The following SLN variants were observed in gnomAD, a reference collection of about 807,000 sequenced individuals.
The protein encoded by SLN is sarcolipin.
For missense variants in SLN, 34 were observed against 37.4 expected, an observed-to-expected ratio of 0.91 and a Z score of 0.24; for synonymous variants, 19 against 14.4, an observed-to-expected ratio of 1.32 and a Z score of -0.72.
chr11:107,707,733 T>A lies in SLN; in HGVS notation c.*102A>T. 2 of 822,452 alleles carry A rather than the reference T, an allele frequency of 2.4e-6. No homozygotes were observed. Among genetic ancestry groups the A allele is most frequent in the Non-Finnish European group, 4.2e-6 (2 of 476,160 alleles). The allele number at this position is 822,452 out of a possible 1,614,324, so 50.9% of individuals were successfully genotyped here. A position where few individuals can be genotyped will look rare whatever the true frequency, so the allele number is the denominator to read the frequency against. On this transcript the variant is annotated 3_prime_UTR_variant, in exon 2 of 2. Transcript: ENST00000305991. ...AGTGCAGGTCACAGGTGCCCTCGGA[T>A]GGAGAATGGCATCCTGTGACAATGA... is the stretch of plus-strand genomic sequence containing the variant.
intron 1 of SLN, among the ~76,000 whole-genome samples, chr11:107,709,113 G>A (rs992384328): frequency 5.3e-5 from 8 of 152,228 alleles, no homozygotes; most frequent in African/African-American, 1.9e-4. Flanking sequence ...ACATTTCAAA[G>A]AGCAGGGATG....
At chr11:107,708,374 C>T (rs1009574216) in intron 1 of SLN, among the ~76,000 whole-genome samples, 12 of 152,024 alleles carry the variant, frequency 7.9e-5, no homozygotes, top group African/African-American at 2.7e-4. Flanking sequence ...TCAGAAGAAA[C>T]CAACTGTGCC....
At chr11:107,710,485 G>A (rs917439310) in intron 1 of SLN, among the ~76,000 whole-genome samples, 1 of 150,010 alleles carries the variant, frequency 6.7e-6, no homozygotes, top group African/African-American at 2.5e-5. Flanking sequence ...CTGAGAAACT[G>A]ACTTTTAGAG....
chr11:107,711,091 G>A (rs1867205727), intron 1 of SLN, among the ~76,000 whole-genome samples: 1 of 152,150 alleles, frequency 6.6e-6, no homozygotes. Context: ...GGGACAAGAG[G>A]ATCCCAACAT....
chr11:107,710,583 C>T (rs1867201522), intron 1 of SLN, among the ~76,000 whole-genome samples: 1 of 152,180 alleles, frequency 6.6e-6, no homozygotes, highest in South Asian at 2.1e-4. Flanking sequence ...ACTAGAATTC[C>T]TAGGAGTTAT....
Position 107,707,655 on chromosome 11 carries a change from A to G in SLN, c.*180T>C. 3.8e-6 allele frequency: 2 copies of G among 520,036 alleles called. No homozygotes were observed. Among genetic ancestry groups the G allele is most frequent in the South Asian group, 3.1e-5 (1 of 32,080 alleles). 32.2% of individuals were successfully genotyped at this position (520,036 alleles called of 1,614,324 possible). A position where few individuals can be genotyped will look rare whatever the true frequency, so the allele number is the denominator to read the frequency against. Reference sequence around the variant, plus strand: ...ACACTTGGCAGCCCTTGGGAGCAGCATCTTTGGAGAACACATAATCAATCC... The same window carrying G: ...ACACTTGGCAGCCCTTGGGAGCAGCGTCTTTGGAGAACACATAATCAATCC... On this transcript the variant is annotated 3_prime_UTR_variant, in exon 2 of 2. Coordinates refer to ENST00000305991, the MANE Select transcript of SLN (RefSeq NM_003063.3).
In SLN at chr11:107,707,814, C is replaced by A; in HGVS notation, c.*21G>T. 1.3e-6 allele frequency: 2 copies of A among 1,584,200 alleles called. No individual in the cohort carries two copies. The highest frequency in any genetic ancestry group is 1.7e-6 in the Non-Finnish European group (2 of 1,153,462). ...CAGCTCCGGAGCATCTCAGTCAATC[C>A]CAGGACCATGGCATGGCCTCTCAGT... On this transcript the variant is annotated 3_prime_UTR_variant, in exon 2 of 2. Transcript: ENST00000305991.
chr11:107,711,581 C>T (rs533336053), intron 1 of SLN, among the ~76,000 whole-genome samples: 45 of 152,208 alleles, frequency 3.0e-4, no homozygotes, highest in Middle Eastern at 3.4e-3. Context: ...TTTAAACATT[C>T]CCTGAAGTCA....
chr11:107,711,329 A>G (rs1032738740), intron 1 of SLN, among the ~76,000 whole-genome samples: 3 of 152,090 alleles, frequency 2.0e-5, no homozygotes, highest in Non-Finnish European at 4.4e-5. Context: ...TTGCACTTTA[A>G]TGGTGACCTT....
chr11:107,707,791 G>T lies in SLN; in HGVS notation c.*44C>A. ...GGGGTCTCAGGGCATAGAGCAGGCAGCTCCGGAGCATCTCAGTCAATCCCA... is the reference window on the plus strand; with the variant it reads ...GGGGTCTCAGGGCATAGAGCAGGCATCTCCGGAGCATCTCAGTCAATCCCA... On this transcript the variant is annotated 3_prime_UTR_variant, in exon 2 of 2. Coordinates refer to ENST00000305991, the MANE Select transcript of SLN (RefSeq NM_003063.3). 6.9e-7 allele frequency: 1 copy of T among 1,442,980 alleles called. No homozygotes were observed. The highest frequency in any genetic ancestry group is 9.8e-7 in the Non-Finnish European group (1 of 1,025,576). The allele number at this position is 1,442,980 out of a possible 1,614,324, so 89.4% of individuals were successfully genotyped here. A position where few individuals can be genotyped will look rare whatever the true frequency, so the allele number is the denominator to read the frequency against.
intron 1 of SLN, among the ~76,000 whole-genome samples, chr11:107,709,944 C>T (rs1367861213): frequency 1.3e-5 from 2 of 152,076 alleles, no homozygotes; most frequent in Non-Finnish European, 2.9e-5. Context: ...ACAGCAAGAC[C>T]CTGTCTCTCC....
chr11:107,708,476 T>G (rs1867178364), intron 1 of SLN, among the ~76,000 whole-genome samples: 1 of 152,158 alleles, frequency 6.6e-6, no homozygotes, highest in Admixed American at 6.5e-5. Flanking sequence ...CTGCAGATTT[T>G]GGACTTGCCA....
At position 107,707,765 on chromosome 11, in the gene SLN, T is replaced by C; in HGVS notation, c.*70A>G. Reference sequence around the variant, plus strand: ...TGGCATCCTGTGACAATGACAGCAGTGGGGTCTCAGGGCATAGAGCAGGCA... The same window carrying C: ...TGGCATCCTGTGACAATGACAGCAGCGGGGTCTCAGGGCATAGAGCAGGCA... On this transcript the variant is annotated 3_prime_UTR_variant, in exon 2 of 2. Transcript: ENST00000305991. 1.8e-6 allele frequency: 2 copies of C among 1,097,296 alleles called. No individual in the cohort carries two copies. The highest frequency in any genetic ancestry group is 2.8e-6 in the Non-Finnish European group (2 of 713,818). 68.0% of individuals were successfully genotyped at this position (1,097,296 alleles called of 1,614,324 possible).
Position 107,707,776 on chromosome 11 carries a change from G to T in SLN, c.*59C>A. On this transcript the variant is annotated 3_prime_UTR_variant, in exon 2 of 2. Transcript: ENST00000305991. ...GACAATGACAGCAGTGGGGTCTCAG[G>T]GCATAGAGCAGGCAGCTCCGGAGCA... The T allele has an allele frequency of 7.8e-7, 1 of 1,282,428 alleles. No homozygotes were observed. Among genetic ancestry groups the T allele is most frequent in the Non-Finnish European group, 1.1e-6 (1 of 880,432 alleles). 79.4% of individuals were successfully genotyped at this position (1,282,428 alleles called of 1,614,324 possible).
rs956295885 is a variant in SLN at position 107,707,681 on chromosome 11, T to C, written c.*154A>G. On this transcript the variant is annotated 3_prime_UTR_variant, in exon 2 of 2. Coordinates refer to ENST00000305991, the MANE Select transcript of SLN (RefSeq NM_003063.3). ...TCTTTGGAGAACACATAATCAATCC[T>C]AGCACTACAGCATAGCAGATATTGT... The C allele has an allele frequency of 2.5e-5, 15 of 599,710 alleles. No homozygotes were observed. Among genetic ancestry groups the C allele is most frequent in the African/African-American group, 3.7e-5 (2 of 54,356 alleles). The allele number at this position is 599,710 out of a possible 1,614,324, so 37.1% of individuals were successfully genotyped here. A position where few individuals can be genotyped will look rare whatever the true frequency, so the allele number is the denominator to read the frequency against.
chr11:107,708,100 GA>G, intron 1 of SLN, 95 bp from the exon 2 acceptor site: 1 of 618,046 alleles, frequency 1.6e-6, no homozygotes, highest in South Asian at 2.0e-5. Context: ...AAGTGTTGTG[GA>G]AAAGGAGAGT....
chr11:107,708,228 T>C (rs938736575), intron 1 of SLN, among the ~76,000 whole-genome samples: 2 of 152,000 alleles, frequency 1.3e-5, no homozygotes, highest in African/African-American at 4.8e-5. Flanking sequence ...AAGTTAAAAT[T>C]AGGTAATTAA....
intron 1 of SLN, among the ~76,000 whole-genome samples, chr11:107,709,966 A>G (rs907911680): frequency 6.6e-6 from 1 of 152,196 alleles, no homozygotes; most frequent in Admixed American, 6.5e-5. Flanking sequence ...AGAAAATAAA[A>G]AGGGGAAAAA....
In SLN at chr11:107,707,492, G is replaced by T; in HGVS notation, c.*343C>A. ...AGTTTGGTTGCAGACCGTGTGGGTT[G>T]AAGGGATGTGTGGTGAGACAGATCA... On this transcript the variant is annotated 3_prime_UTR_variant, in exon 2 of 2. Coordinates refer to ENST00000305991, the MANE Select transcript of SLN (RefSeq NM_003063.3). 1 of 196,082 alleles carries T rather than the reference G, an allele frequency of 5.1e-6. No individual in the cohort carries two copies. The highest frequency in any genetic ancestry group is 1.0e-5 in the Non-Finnish European group (1 of 96,796). 12.1% of individuals were successfully genotyped at this position (196,082 alleles called of 1,614,324 possible).
Sources: gnomAD v4.1 joint callset for allele counts (sites outside exome capture counted in the v4.1 genomes callset) on GRCh38, gnomAD v4.1.1 for gene constraint, MANE v1.5 for transcripts, NCBI Gene and HGNC (gene_info 2026-07-23, HGNC 2026-07-21) for gene names.